Variants in IQGAP2 observed in about 807,000 individuals in gnomAD.
The protein encoded by IQGAP2 is ras GTPase-activating-like protein IQGAP2.
A neutral mutation model predicts 201.3 loss-of-function variants in IQGAP2; 173 were observed. That is an observed-to-expected ratio of 0.86 (90% confidence interval 0.76 to 0.98). The LOEUF is 0.98. IQGAP2 is among the 50% of genes least tolerant of loss of function. The probability of loss-of-function intolerance (pLI) is 0.00; values close to 1 mark genes in which losing one functional copy is unlikely to be tolerated. For missense variants in IQGAP2, 1,687 were observed against 1,864.8 expected, an observed-to-expected ratio of 0.90 and a Z score of 1.76; for synonymous variants, 675 against 673.9, an observed-to-expected ratio of 1.00 and a Z score of -0.03.
intron 17 of IQGAP2, among the ~76,000 whole-genome samples, chr5:76,652,354 T>C (rs1174952029): frequency 6.6e-6 from 1 of 152,200 alleles, no homozygotes; most frequent in Non-Finnish European, 1.5e-5. Context: ...AGATACTTAA[T>C]ATTAGGCATT....
intron 13 of IQGAP2, chr5:76,617,493 G>T: frequency 1.0e-6 from 1 of 960,148 alleles, no homozygotes. Flanking sequence ...TTAGGAGCTC[G>T]GAAATGGAGC....
chr5:76,429,887 AC>A (rs1752268244), intron 1 of IQGAP2, among the ~76,000 whole-genome samples: 2 of 151,358 alleles, frequency 1.3e-5, no homozygotes, highest in South Asian at 4.2e-4. Context: ...ACACACACAC[AC>A]ACACACGACT....
At position 76,500,131 on chromosome 5, in the gene IQGAP2, TAAATA is replaced by T. The variant is rs1486425671; in HGVS notation, c.146+38467_146+38471del. ...TCAACAAAATGAATGAATGAATAAA[TAAATA>T]AAATCTATTGAAAGGGGGAAAAAAA... On this transcript the variant is annotated intron_variant, in intron 2 of 35. Transcript: ENST00000274364. Among the ~76,000 whole-genome samples the T allele has an allele frequency of 1.2e-4, 18 of 152,094 alleles. No homozygotes were observed. In the South Asian group the frequency reaches 3.3e-3, roughly 28 times the overall value.
chr5:76,618,967 A>G (rs1346870071), intron 13 of IQGAP2, among the ~76,000 whole-genome samples: 1 of 152,220 alleles, frequency 6.6e-6, no homozygotes, highest in African/African-American at 2.4e-5. Flanking sequence ...ACAATACTTA[A>G]TAGATTCAGA....
At chr5:76,438,235 A>G (rs1013647318) in intron 1 of IQGAP2, among the ~76,000 whole-genome samples, 2 of 151,550 alleles carry the variant, frequency 1.3e-5, no homozygotes, top group Non-Finnish European at 2.9e-5. Context: ...TTTCTTTGGC[A>G]GGTTTAAAAT....
chr5:76,569,484 G>T (rs542484640), intron 3 of IQGAP2, among the ~76,000 whole-genome samples: 1 of 152,098 alleles, frequency 6.6e-6, no homozygotes, highest in Admixed American at 6.5e-5. Flanking sequence ...TGAAAATTAG[G>T]GTTAATTTAC....
chr5:76,483,936 T>C (rs1755954097), intron 2 of IQGAP2, among the ~76,000 whole-genome samples: 2 of 152,136 alleles, frequency 1.3e-5, no homozygotes, highest in South Asian at 2.1e-4. Context: ...CTTTTCCTTC[T>C]TCCTGAGAAG....
At chr5:76,417,934 C>G (rs929442327) in intron 1 of IQGAP2, among the ~76,000 whole-genome samples, 2 of 151,188 alleles carry the variant, frequency 1.3e-5, no homozygotes, top group Non-Finnish European at 2.9e-5. Flanking sequence ...CCTGGCTGGG[C>G]GCGGTGGCTC....
intron 2 of IQGAP2, among the ~76,000 whole-genome samples, chr5:76,487,663 G>A (rs1406147368): frequency 6.6e-6 from 1 of 152,136 alleles, no homozygotes; most frequent in Non-Finnish European, 1.5e-5. Flanking sequence ...TCAGGCACAT[G>A]TATGTGCTTT....
At chr5:76,480,718 G>A (rs779043081) in intron 2 of IQGAP2, among the ~76,000 whole-genome samples, 4 of 152,204 alleles carry the variant, frequency 2.6e-5, no homozygotes, top group Non-Finnish European at 4.4e-5. Context: ...CAGGGGGAAA[G>A]AAGTGAGTTG....
At chr5:76,540,899 G>A (rs1195212915) in intron 2 of IQGAP2, among the ~76,000 whole-genome samples, 1 of 152,172 alleles carries the variant, frequency 6.6e-6, no homozygotes, top group Non-Finnish European at 1.5e-5. Flanking sequence ...CTCTAATGTC[G>A]AATGAGTGAT....
chr5:76,627,558 T>G (rs954267102), intron 14 of IQGAP2, 58 bp downstream of exon 14: 2 of 882,132 alleles, frequency 2.3e-6, no homozygotes, highest in African/African-American at 1.7e-5. Flanking sequence ...GTTATGTGCC[T>G]GAAGTCATGT....
At chr5:76,625,299 G>A (rs2150371929) in intron 13 of IQGAP2, among the ~76,000 whole-genome samples, 1 of 152,290 alleles carries the variant, frequency 6.6e-6, no homozygotes, top group East Asian at 1.9e-4. Flanking sequence ...CTTCTACAGT[G>A]ATAAGTTATG....
chr5:76,465,262 A>G (rs1184826597), intron 2 of IQGAP2, among the ~76,000 whole-genome samples: 7 of 152,222 alleles, frequency 4.6e-5, no homozygotes, highest in Non-Finnish European at 1.0e-4. Context: ...TTAAGACCTG[A>G]AAGTCAATAT....
At chr5:76,489,375 A>G (rs747468046) in intron 2 of IQGAP2, among the ~76,000 whole-genome samples, 1 of 152,154 alleles carries the variant, frequency 6.6e-6, no homozygotes, top group Non-Finnish European at 1.5e-5. Context: ...TTAGGAAAAT[A>G]TCTTTTTCCA....
chr5:76,479,137 C>T (rs539036201), intron 2 of IQGAP2, among the ~76,000 whole-genome samples: 1 of 152,274 alleles, frequency 6.6e-6, no homozygotes, highest in South Asian at 2.1e-4. Flanking sequence ...CCTCAGGTCC[C>T]TGTCCTGCTT....
At chr5:76,483,175 G>A (rs569245459) in intron 2 of IQGAP2, among the ~76,000 whole-genome samples, 10 of 152,264 alleles carry the variant, frequency 6.6e-5, no homozygotes, top group African/African-American at 1.7e-4. Context: ...GTGTTTGCAC[G>A]TTTACTTCCT....
chr5:76,640,902 A>G lies in IQGAP2; in HGVS notation c.1924-31A>G, dbSNP rs201090195. 270 of 1,510,280 alleles carry G rather than the reference A, an allele frequency of 1.8e-4. 4 individuals carry two copies. The East Asian group carries it at 6.1e-3, about 34-fold the overall frequency. The allele number at this position is 1,510,280 out of a possible 1,614,324, so 93.6% of individuals were successfully genotyped here. On this transcript the variant is annotated intron_variant, in intron 16 of 35. Coordinates refer to ENST00000274364, the MANE Select transcript of IQGAP2 (RefSeq NM_006633.5). ...ATGTGTGCCTTTCAGCTGATGTGTG[A>G]AGTGTAACCATAAGAAATATCTCTT...
At chr5:76,638,762 T>C (rs545786304) in intron 16 of IQGAP2, among the ~76,000 whole-genome samples, 1 of 152,346 alleles carries the variant, frequency 6.6e-6, no homozygotes, top group South Asian at 2.1e-4. Context: ...AATGTTTTCT[T>C]GCAACATGGG....
Sources: allele counts gnomAD v4.1 joint callset (sites outside exome capture counted in the v4.1 genomes callset), GRCh38; gene constraint gnomAD v4.1.1; transcripts MANE v1.5; gene names NCBI Gene and HGNC (gene_info 2026-07-23, HGNC 2026-07-21).